The following TMEM245 variants were observed in gnomAD, a reference collection of about 807,000 sequenced individuals.
The protein encoded by TMEM245 is transmembrane protein 245, also known as protein CG-2.
A neutral mutation model predicts 101.2 loss-of-function variants in TMEM245; 69 were observed. That is an observed-to-expected ratio of 0.68 (90% confidence interval 0.56 to 0.83). The LOEUF (loss-of-function observed/expected upper bound fraction) is 0.83, where lower values mean the gene tolerates loss of function less well. Ranked by LOEUF, TMEM245 falls within the 40% of genes least tolerant of loss-of-function variation. The pLI is 0.00. For missense variants in TMEM245, 1,075 were observed against 1,092.8 expected (o/e 0.98, Z 0.23); for synonymous variants, 537 against 449.8 (o/e 1.19, Z -2.45).
intron 12 of TMEM245, among the ~76,000 whole-genome samples, chr9:109,056,241 TTA>T (rs1367145220): frequency 1.3e-5 from 2 of 152,104 alleles, no homozygotes; most frequent in Non-Finnish European, 2.9e-5. Flanking sequence ...GCACTGCTGT[TTA>T]TTAAAATCTT....
At position 109,087,263 on chromosome 9, in the gene TMEM245, A is replaced by C; in HGVS notation, c.1230T>G (p.Ile410Met). 1 of 1,614,048 alleles carries C rather than the reference A, an allele frequency of 6.2e-7. No homozygotes were observed. The highest frequency in any genetic ancestry group is 8.5e-7 in the Non-Finnish European group (1 of 1,179,970). ...GCCGCTCCTTCAGGAAGCTTTCTAT[A>C]ATGCCCCACCACACATGGTAGCGTT... ...LEKRYHVWWG[I>M]IESFLKERQG... The change falls in exon 6 of 18, where the codon ATT becomes ATG. Residue 410 changes from isoleucine to methionine, a missense_variant. Ile to Met is a conservative substitution (Grantham distance 10, BLOSUM62 1). Coordinates refer to ENST00000374586, the MANE Select transcript of TMEM245 (RefSeq NM_032012.4).
rs559298192 is a variant in TMEM245, at chr9:109,094,808, C to T, written c.800-1217G>A. Among the ~76,000 whole-genome samples, 4 of 152,326 alleles carry T rather than the reference C, an allele frequency of 2.6e-5. No homozygotes were observed. The East Asian group carries it at 7.7e-4, about 29-fold the overall frequency. ...ACCAAATCATACACCCACACTCATA[C>T]AACTGAGACATTACTTTTGGTAGGC... On this transcript the variant is annotated intron_variant, in intron 3 of 17. Coordinates refer to ENST00000374586, the MANE Select transcript of TMEM245 (RefSeq NM_032012.4).
chr9:109,059,215 T>G (rs73654219), intron 11 of TMEM245, among the ~76,000 whole-genome samples: 2,491 of 152,238 alleles, frequency 0.016, 74 homozygotes, highest in African/African-American at 0.057. Context: ...CCCTGAATAT[T>G]TTTTCCCAAG....
At chr9:109,062,397 A>G (rs1829043028) in intron 10 of TMEM245, among the ~76,000 whole-genome samples, 1 of 152,198 alleles carries the variant, frequency 6.6e-6, no homozygotes, top group Non-Finnish European at 1.5e-5. Flanking sequence ...TAAATGACCC[A>G]ATTTCCTCAA....
rs1313874741 is a variant in TMEM245 at position 109,119,771 on chromosome 9, T to A, written c.143A>T (p.Lys48Met). ...RTAALALRFD[K>M]PIKQAFYNTG... is the part of the protein sequence containing the mutation. ...GTTGTAGAAGGCCTGCTTAATGGGC[T>A]TGTCGAAGCGCAGCGCCAGCGCCGC... The change falls in exon 1 of 18, where the codon AAG (lysine) becomes ATG (methionine). Residue 48 changes from lysine to methionine, a missense_variant. By Grantham distance (95) the Lys-to-Met change is moderately conservative. Around this residue, in one of 2 missense-constraint regions of TMEM245, gnomAD observed 808 missense variants for 741.5 expected, o/e 1.09. Coordinates refer to ENST00000374586, the MANE Select transcript of TMEM245 (RefSeq NM_032012.4). 6.7e-7 allele frequency: 1 copy of A among 1,493,052 alleles called. No individual in the cohort carries two copies. Among genetic ancestry groups the A allele is most frequent in the African/African-American group, 1.4e-5 (1 of 69,342 alleles). The allele number at this position is 1,493,052 out of a possible 1,614,324, so 92.5% of individuals were successfully genotyped here. A position where few individuals can be genotyped will look rare whatever the true frequency, so the allele number is the denominator to read the frequency against.
intron 16 of TMEM245, 69 bp downstream of exon 16, chr9:109,036,137 C>A: frequency 7.4e-7 from 1 of 1,359,414 alleles, no homozygotes; most frequent in Non-Finnish European, 9.7e-7. Flanking sequence ...GAAAAAAATC[C>A]TCCTTTAAAA....
At chr9:109,031,668 GAT>G (rs1827947849) in intron 17 of TMEM245, among the ~76,000 whole-genome samples, 1 of 152,154 alleles carries the variant, frequency 6.6e-6, no homozygotes, top group African/African-American at 2.4e-5. Context: ...TCTATACCTT[GAT>G]ATGAGTAGTG....
chr9:109,106,049 G>C (rs1177693829), intron 3 of TMEM245, among the ~76,000 whole-genome samples: 2 of 152,150 alleles, frequency 1.3e-5, no homozygotes, highest in African/African-American at 2.4e-5. Context: ...TGGGATTACA[G>C]ACGTGAGCCA....
intron 9 of TMEM245, among the ~76,000 whole-genome samples, chr9:109,067,995 T>C (rs1346852867): frequency 6.6e-6 from 1 of 152,162 alleles, no homozygotes; most frequent in African/African-American, 2.4e-5. Context: ...CGACCCCTAC[T>C]ATTTCCAATC....
At chr9:109,104,381 G>A (rs906854710) in intron 3 of TMEM245, among the ~76,000 whole-genome samples, 6 of 151,892 alleles carry the variant, frequency 4.0e-5, no homozygotes, top group Non-Finnish European at 5.9e-5. Context: ...AAAGAGTAAC[G>A]AAATAAATGG....
chr9:109,052,484 T>C (rs757084443), intron 12 of TMEM245, among the ~76,000 whole-genome samples: 2 of 152,228 alleles, frequency 1.3e-5, no homozygotes, highest in Non-Finnish European at 2.9e-5. Flanking sequence ...CCATCTGTTC[T>C]ATGAAAAGTC....
chr9:109,060,562 G>T, intron 10 of TMEM245, 110 bp from the exon 11 acceptor site: 1 of 697,324 alleles, frequency 1.4e-6, no homozygotes, highest in East Asian at 2.8e-5. Flanking sequence ...AAATGTTCCA[G>T]ACTATTTATC....
rs1827522636 is a variant in TMEM245 at position 109,018,624 on chromosome 9, A to T, written c.*1836T>A. 1 of 152,140 alleles carries T rather than the reference A, an allele frequency of 6.6e-6. No homozygotes were observed. The highest frequency in any genetic ancestry group is 2.4e-5 in the African/African-American group (1 of 41,440). 9.4% of individuals were successfully genotyped at this position (152,140 alleles called of 1,614,324 possible). A position where few individuals can be genotyped will look rare whatever the true frequency, so the allele number is the denominator to read the frequency against. On this transcript the variant is annotated 3_prime_UTR_variant, in exon 18 of 18. Transcript: ENST00000374586. ...GTAGTGTAAGAATAAATTTAAACTA[A>T]TTATAATTATCAGTGACTTCTTAGG...
chr9:109,111,811 T>A (rs1169117668), intron 1 of TMEM245, among the ~76,000 whole-genome samples: 1 of 151,770 alleles, frequency 6.6e-6, no homozygotes, highest in African/African-American at 2.4e-5. Flanking sequence ...AAATTTATAA[T>A]GGTGAAAATA....
intron 9 of TMEM245, among the ~76,000 whole-genome samples, chr9:109,071,291 CAA>C (rs982311715): frequency 6.6e-6 from 1 of 150,484 alleles, no homozygotes; most frequent in Admixed American, 6.6e-5. Flanking sequence ...ATTTATATTT[CAA>C]AAGAAATATA....
chr9:109,080,590 T>G (rs1829638667), intron 8 of TMEM245, among the ~76,000 whole-genome samples: 1 of 152,098 alleles, frequency 6.6e-6, no homozygotes, highest in Non-Finnish European at 1.5e-5. Context: ...TTATCTCATT[T>G]TTTTCATTTG....
chr9:109,066,452 C>CAAAA (rs386415818), intron 9 of TMEM245, among the ~76,000 whole-genome samples: 693 of 52,440 alleles, frequency 0.013, 64 homozygotes, highest in Middle Eastern at 0.044. Context: ...AAGACTGTCT[C>CAAAA]AAAAAAAAAA....
chr9:109,050,461 A>T (rs965256819), intron 13 of TMEM245, 33 bp from the exon 14 acceptor site: 2 of 1,612,752 alleles, frequency 1.2e-6, no homozygotes, highest in Admixed American at 1.7e-5. Context: ...TCCTAAAAAA[A>T]TCGTATTTGG....
In TMEM245 at chr9:109,087,202, C is replaced by T. The variant is rs1430617216; in HGVS notation, c.1291G>A (p.Gly431Arg). Residue 431 changes from glycine to arginine, a missense_variant, in exon 6 of 18, where the codon GGA (glycine) becomes AGA (arginine). Coordinates refer to ENST00000374586, the MANE Select transcript of TMEM245 (RefSeq NM_032012.4). ...ALAPWPIVGL[G>R]KFLLKVDSKL... ...CTATCAACTTTTAACAAGAATTTTC[C>T]AAGCCCGACAATGGGCCAAGGCGCG... is the stretch of plus-strand genomic sequence containing the variant. The T allele has an allele frequency of 6.2e-7, 1 of 1,609,490 alleles. No individual in the cohort carries two copies. The highest frequency in any genetic ancestry group is 1.1e-5 in the South Asian group (1 of 90,032).
Sources: gnomAD v4.1 joint callset for allele counts (sites outside exome capture counted in the v4.1 genomes callset) on GRCh38, gnomAD v4.1.1 for gene constraint, gnomAD v4.1.1 regional missense constraint, MANE v1.5 for transcripts, NCBI Gene and HGNC (gene_info 2026-07-23, HGNC 2026-07-21) for gene names.